Variants in LRRC56 observed in about 807,000 individuals in gnomAD.
LRRC56 encodes leucine rich repeat containing 56.
Under a neutral mutation model 47.8 loss-of-function variants are expected in LRRC56, and 41 were observed. That is an observed-to-expected ratio of 0.86 (90% CI 0.67 to 1.11). The LOEUF is 1.11. LRRC56 is among the 50% of genes most tolerant of loss of function. The pLI, the probability that LRRC56 is intolerant of heterozygous loss-of-function variation, is 0.00. For missense variants in LRRC56, 759 were observed against 704.2 expected (o/e 1.08, Z -0.88); for synonymous variants, 387 against 311.2 (o/e 1.24, Z -2.56).
chr11:524,820 T>C, the LRRC56 span, among the ~76,000 whole-genome samples: 4 of 151,330 alleles, frequency 2.6e-5, no homozygotes, highest in African/African-American at 7.3e-5. Context: ...TGGTGGGGCA[T>C]AGTGGCTCAT....
rs1304672158 is a variant in LRRC56, at chr11:551,032, C to T, written c.625-99C>T. 13 of 703,856 alleles carry T rather than the reference C, an allele frequency of 1.8e-5. No homozygotes were observed. In the East Asian group the frequency reaches 3.5e-4, roughly 19 times the overall value. 43.6% of individuals were successfully genotyped at this position (703,856 alleles called of 1,614,324 possible). ...CCCCACCTCTGGGCCCCTGCCCTGCCCCACGGTGGGTCTGGGAAAGGGAGC... is the reference window on the plus strand; with the variant it reads ...CCCCACCTCTGGGCCCCTGCCCTGCTCCACGGTGGGTCTGGGAAAGGGAGC... On this transcript the variant is annotated intron_variant, in intron 8 of 13. Coordinates refer to ENST00000270115, the MANE Select transcript of LRRC56 (RefSeq NM_198075.4).
At chr11:552,881 G>A (rs1266014312) in intron 13 of LRRC56, among the ~76,000 whole-genome samples, 179 bp downstream of exon 13, 1 of 152,220 alleles carries the variant, frequency 6.6e-6, no homozygotes, top group Non-Finnish European at 1.5e-5. Context: ...GACCAAGGGA[G>A]GCCCAACCCA....
rs1458942598 is a variant in LRRC56, at chr11:541,795, A to G, written c.265+171A>G. On this transcript the variant is annotated intron_variant, in intron 5 of 13. Transcript: ENST00000270115. This position sits in a 1 kb window ranked among gnomAD's most constrained non-coding sequence, Gnocchi z 4.1. ...CTGTGTCAGGTACAGGCAGAGGGCA[A>G]TGCACTCAGCACCCCGCACACCACA... 6.6e-6 allele frequency among the ~76,000 whole-genome samples: 1 copy of G among 151,520 alleles called. No individual in the cohort carries two copies. The highest frequency in any genetic ancestry group is 1.5e-5 in the Non-Finnish European group (1 of 67,924).
the LRRC56 span, among the ~76,000 whole-genome samples, chr11:523,844 C>T: frequency 6.6e-6 from 1 of 152,126 alleles, no homozygotes; most frequent in Non-Finnish European, 1.5e-5. Context: ...AGAAGAAACA[C>T]TTGAACCTGG....
chr11:544,938 C>G (rs1216266790), intron 6 of LRRC56, among the ~76,000 whole-genome samples, 158 bp downstream of exon 6: 1 of 151,978 alleles, frequency 6.6e-6, no homozygotes. Context: ...GGCTGCCTGA[C>G]CCCACGTGAC....
At chr11:509,161 C>G in the LRRC56 span, among the ~76,000 whole-genome samples, 4 of 152,170 alleles carry the variant, frequency 2.6e-5, no homozygotes, top group Non-Finnish European at 5.9e-5. Flanking sequence ...CCTCATCCTG[C>G]ACACGTGAGC....
the LRRC56 span, among the ~76,000 whole-genome samples, chr11:521,150 G>C: frequency 6.6e-6 from 1 of 152,160 alleles, no homozygotes; most frequent in East Asian, 1.9e-4. Context: ...TCCCGCCCCA[G>C]GGCACAGGCT....
Position 541,528 on chromosome 11 carries a change from T to C in LRRC56, c.178-9T>C. 6.5e-7 allele frequency: 1 copy of C among 1,538,540 alleles called. No homozygotes were observed. Among genetic ancestry groups the C allele is most frequent in the Non-Finnish European group, 8.8e-7 (1 of 1,138,390 alleles). ...AGGACCAGCGCTGACCCCCGGTTGG[T>C]TTCTACAGCAGGCCCTGGCCCGGGT... On this transcript the variant is annotated splice_polypyrimidine_tract_variant and intron_variant, in intron 4 of 13. Coordinates refer to ENST00000270115, the MANE Select transcript of LRRC56 (RefSeq NM_198075.4). This position sits in a 1 kb window ranked among gnomAD's most constrained non-coding sequence, Gnocchi z 4.1.
At chr11:527,313 G>A in the LRRC56 span, among the ~76,000 whole-genome samples, 1 of 152,018 alleles carries the variant, frequency 6.6e-6, no homozygotes, top group African/African-American at 2.4e-5. Flanking sequence ...AAAAAAATTT[G>A]CAACGTGCCG....
chr11:530,226 C>T, the LRRC56 span, among the ~76,000 whole-genome samples: 2 of 152,220 alleles, frequency 1.3e-5, no homozygotes, highest in Non-Finnish European at 2.9e-5. Flanking sequence ...CCTGCCCAGC[C>T]CCGTAATGAC....
chr11:511,723 T>C, the LRRC56 span, among the ~76,000 whole-genome samples: 1 of 152,196 alleles, frequency 6.6e-6, no homozygotes, highest in East Asian at 1.9e-4. Flanking sequence ...ACAAGATGCC[T>C]CAGGGCCCAG....
chr11:536,615 C>CA (rs45556040), upstream of LRRC56, among the ~76,000 whole-genome samples: 1,948 of 152,236 alleles, frequency 0.013, 47 homozygotes, highest in African/African-American at 0.045. Context: ...ACTAAAAACA[C>CA]AAAAAATTAG....
the LRRC56 span, among the ~76,000 whole-genome samples, chr11:516,631 A>C: frequency 6.6e-6 from 1 of 152,106 alleles, no homozygotes; most frequent in African/African-American, 2.4e-5. Flanking sequence ...AATTCACCAT[A>C]TAAGCAGATT....
upstream of LRRC56, chr11:535,308 C>T (rs1346281760): frequency 6.8e-6 from 1 of 146,194 alleles, no homozygotes; most frequent in Non-Finnish European, 1.5e-5. Flanking sequence ...GCCGCCGCCG[C>T]CGCCGCTTAC....
At chr11:553,373 G>C (rs969452492) in intron 13 of LRRC56, among the ~76,000 whole-genome samples, 1 of 152,180 alleles carries the variant, frequency 6.6e-6, no homozygotes, top group Non-Finnish European at 1.5e-5. Context: ...GGATGGGCAG[G>C]GAACAGGGCA....
At position 552,033 on chromosome 11, in the gene LRRC56, C is replaced by G; in HGVS notation, c.1039-57C>G. 9 of 1,606,182 alleles carry G rather than the reference C, an allele frequency of 5.6e-6. No individual in the cohort carries two copies. The South Asian group carries it at 7.7e-5, about 14-fold the overall frequency. ...CCAGGGTTGCGGCCCTGACAGTGCC[C>G]TGCCCTGCCGCCATTCCAGGGCCAG... On this transcript the variant is annotated intron_variant, in intron 11 of 13. Transcript: ENST00000270115.
At chr11:528,388 C>G in the LRRC56 span, 1 of 152,210 alleles carries the variant, frequency 6.6e-6, no homozygotes, top group African/African-American at 2.4e-5. Context: ...GGCAGCCCAG[C>G]AGGGCCTGTC....
chr11:531,505 G>A, the LRRC56 span, among the ~76,000 whole-genome samples: 3 of 152,204 alleles, frequency 2.0e-5, no homozygotes, highest in African/African-American at 4.8e-5. Context: ...GTGGGTGGCA[G>A]AGCCTGTGTA....
intron 5 of LRRC56, among the ~76,000 whole-genome samples, chr11:542,580 CAAAAAA>C (rs71022928): frequency 1.2e-4 from 3 of 26,008 alleles, no homozygotes; most frequent in African/African-American, 4.3e-4. Context: ...AACCCTGTCG[CAAAAAA>C]AAAAAAAAAA....
Sources: gnomAD v4.1 joint callset for allele counts (sites outside exome capture counted in the v4.1 genomes callset) on GRCh38, gnomAD v4.1.1 for gene constraint, Gnocchi (gnomAD v3.1) non-coding constraint, MANE v1.5 for transcripts, NCBI Gene and HGNC (gene_info 2026-07-23, HGNC 2026-07-21) for gene names.